Variants in ARL15 observed in about 807,000 individuals in gnomAD.
ARL15 encodes the protein ARF like GTPase 15.
In ARL15, 19 loss-of-function variants were observed where a neutral mutation model predicts 25.2. The ratio of observed to expected loss-of-function variants is 0.75; its 90% CI spans 0.53 to 1.10. ARL15 has a LOEUF of 1.10. Ranked by LOEUF, ARL15 falls within the 50% of genes least tolerant of loss-of-function variation. The pLI, the probability that ARL15 is intolerant of heterozygous loss-of-function variation, is 0.00. For synonymous variants in ARL15, 94 were observed against 86.8 expected (o/e 1.08, Z -0.46); for missense variants, 220 against 246.0 (o/e 0.89, Z 0.71).
intron 4 of ARL15, among the ~76,000 whole-genome samples, chr5:53,970,496 G>C (rs1747707916): frequency 1.3e-5 from 2 of 152,030 alleles, no homozygotes; most frequent in Non-Finnish European, 2.9e-5. Flanking sequence ...AAGAGAGAGA[G>C]AGAGGGAGAG....
chr5:54,243,999 G>C (rs1159353563), intron 1 of ARL15, among the ~76,000 whole-genome samples: 1 of 152,164 alleles, frequency 6.6e-6, no homozygotes, highest in African/African-American at 2.4e-5. Flanking sequence ...TATCCCAGCA[G>C]TTATGCACAA....
At chr5:54,171,973 G>A (rs763320912) in intron 1 of ARL15, 45 bp from the exon 2 acceptor site, 1 of 1,591,828 alleles carries the variant, frequency 6.3e-7, no homozygotes, top group South Asian at 1.1e-5. Context: ...ATGACAGTAT[G>A]GAAATAAACC....
chr5:53,887,315 CACTT>C, intron 4 of ARL15: 1 of 697,038 alleles, frequency 1.4e-6, no homozygotes, highest in Admixed American at 2.0e-5. Flanking sequence ...TGCATATACA[CACTT>C]ACATAAATTT....
intron 4 of ARL15, among the ~76,000 whole-genome samples, chr5:53,974,450 T>G (rs926683774): frequency 6.6e-6 from 1 of 152,246 alleles, no homozygotes; most frequent in East Asian, 1.9e-4. Context: ...TAGACATTAA[T>G]TATTTTAAAA....
chr5:54,216,118 G>A lies in ARL15; in HGVS notation c.49-44190C>T, dbSNP rs187269097. On this transcript the variant is annotated intron_variant, in intron 1 of 4. Transcript: ENST00000504924. Reference sequence around the variant, plus strand: ...GAGAAATCTATTGTAAGTCAAACACGAAGAAACTTTACTTCTCGCAAATAT... The same window carrying A: ...GAGAAATCTATTGTAAGTCAAACACAAAGAAACTTTACTTCTCGCAAATAT... Among the ~76,000 whole-genome samples, 374 of 152,246 alleles carry A rather than the reference G, an allele frequency of 2.5e-3. 1 individual carries two copies. Among genetic ancestry groups the A allele is most frequent in the African/African-American group, 8.6e-3 (357 of 41,548 alleles).
intron 4 of ARL15, among the ~76,000 whole-genome samples, chr5:54,050,251 A>C (rs1192877585): frequency 6.6e-6 from 1 of 152,094 alleles, no homozygotes. Flanking sequence ...GAGGGATTTA[A>C]CTCTTACTTA....
chr5:54,021,579 GAAC>G (rs1306357577), intron 4 of ARL15, among the ~76,000 whole-genome samples: 1 of 152,086 alleles, frequency 6.6e-6, no homozygotes, highest in African/African-American at 2.4e-5. Context: ...TACTCAATCT[GAAC>G]AACAAAGAGA....
At chr5:54,231,318 GA>G (rs1756663841) in intron 1 of ARL15, among the ~76,000 whole-genome samples, 1 of 151,878 alleles carries the variant, frequency 6.6e-6, no homozygotes, top group Admixed American at 6.6e-5. Flanking sequence ...ACTGTTTCTC[GA>G]AACCAAGTTT....
At chr5:53,930,584 T>C (rs1470115413) in intron 4 of ARL15, among the ~76,000 whole-genome samples, 2 of 152,134 alleles carry the variant, frequency 1.3e-5, no homozygotes, top group Non-Finnish European at 2.9e-5. Flanking sequence ...TTAGAGATCA[T>C]TTCAAAGCGA....
chr5:53,993,423 C>A (rs1057429021), intron 4 of ARL15, among the ~76,000 whole-genome samples: 13 of 151,988 alleles, frequency 8.6e-5, no homozygotes, highest in African/African-American at 7.2e-5. Flanking sequence ...GCCTGGGCAA[C>A]ATAGGAGACC....
chr5:54,014,359 A>C (rs1668128192), intron 4 of ARL15, among the ~76,000 whole-genome samples: 1 of 152,162 alleles, frequency 6.6e-6, no homozygotes. Context: ...GCAGAAAAGA[A>C]GACCAAGAAT....
intron 3 of ARL15, among the ~76,000 whole-genome samples, chr5:54,128,418 T>A (rs1281923804): frequency 6.6e-6 from 1 of 152,214 alleles, no homozygotes; most frequent in Non-Finnish European, 1.5e-5. Context: ...GGAATCAACA[T>A]ATAATCTTCA....
At chr5:54,050,983 T>A (rs1255985470) in intron 4 of ARL15, among the ~76,000 whole-genome samples, 2 of 152,190 alleles carry the variant, frequency 1.3e-5, no homozygotes, top group Non-Finnish European at 2.9e-5. Context: ...TATAACTAGT[T>A]TGATGATACC....
chr5:54,305,742 T>C (rs1758738854), intron 1 of ARL15, among the ~76,000 whole-genome samples: 1 of 152,238 alleles, frequency 6.6e-6, no homozygotes, highest in Non-Finnish European at 1.5e-5. Context: ...TATATGAATG[T>C]GGTCTCTCTC....
intron 4 of ARL15, among the ~76,000 whole-genome samples, chr5:54,059,144 CT>C (rs1163051780): frequency 1.3e-5 from 2 of 152,252 alleles, no homozygotes; most frequent in East Asian, 1.9e-4. Flanking sequence ...CCGCAAATTG[CT>C]TTTTTTCTTC....
chr5:54,034,610 T>C (rs617777), intron 4 of ARL15, among the ~76,000 whole-genome samples: 45,912 of 151,934 alleles, frequency 0.3, 8,020 homozygotes, highest in African/African-American at 0.47. Context: ...ATTTGGTGGG[T>C]ATGAAAAGAT....
intron 4 of ARL15, among the ~76,000 whole-genome samples, chr5:54,106,874 A>G (rs1442996012): frequency 6.6e-6 from 1 of 152,124 alleles, no homozygotes; most frequent in Non-Finnish European, 1.5e-5. Flanking sequence ...GATTTGGATA[A>G]GCGCAGGTTG....
At chr5:54,057,153 T>TA (rs1229657915) in intron 4 of ARL15, among the ~76,000 whole-genome samples, 1 of 152,196 alleles carries the variant, frequency 6.6e-6, no homozygotes, top group African/African-American at 2.4e-5. Context: ...AACAGCATCT[T>TA]ATAAATATCA....
chr5:54,306,391 CT>C (rs11338403), intron 1 of ARL15, among the ~76,000 whole-genome samples: 27,196 of 134,328 alleles, frequency 0.2, 2,372 homozygotes, highest in East Asian at 0.41. Context: ...AATACGTTAA[CT>C]TTTTTTTTTT....
Sources: gnomAD v4.1 joint callset for allele counts (sites outside exome capture counted in the v4.1 genomes callset) on GRCh38, gnomAD v4.1.1 for gene constraint, MANE v1.5 for transcripts, NCBI Gene and HGNC (gene_info 2026-07-23, HGNC 2026-07-21) for gene names.